Variants in SETD2 observed in about 807,000 individuals in gnomAD.
SETD2 encodes SET domain containing 2, histone lysine methyltransferase, also known as histone-lysine N-methyltransferase SETD2.
In SETD2, 31 loss-of-function variants were observed where a neutral mutation model predicts 242.1. That is an observed-to-expected ratio of 0.13 (90% CI 0.10 to 0.17). SETD2 has a LOEUF of 0.17. SETD2 is among the 10% of genes least tolerant of loss of function. SETD2 has a pLI of 1.00. For missense variants in SETD2, 2,481 were observed against 3,046.3 expected (o/e 0.81, Z 4.37); for synonymous variants, 1,006 against 1,066.5 (o/e 0.94, Z 1.11).
At chr3:47,075,801 C>T (rs951192565) in intron 12 of SETD2, among the ~76,000 whole-genome samples, 1 of 152,092 alleles carries the variant, frequency 6.6e-6, no homozygotes, top group African/African-American at 2.4e-5. Context: ...AAAACACCAC[C>T]ACTTAACTTC....
chr3:47,073,616 T>C (rs1210669928), intron 12 of SETD2, among the ~76,000 whole-genome samples: 2 of 152,214 alleles, frequency 1.3e-5, no homozygotes, highest in African/African-American at 4.8e-5. Flanking sequence ...AGAAACACTC[T>C]AACTTCGAAT....
At chr3:47,144,734 G>A (rs1417196736) in intron 1 of SETD2, among the ~76,000 whole-genome samples, 2 of 152,172 alleles carry the variant, frequency 1.3e-5, no homozygotes, top group Non-Finnish European at 2.9e-5. Flanking sequence ...TTGGGAGGTC[G>A]AGGCGGGTGG....
chr3:47,037,137 A>T (rs7374845), intron 18 of SETD2, among the ~76,000 whole-genome samples: 1 of 74,704 alleles, frequency 1.3e-5, no homozygotes, highest in East Asian at 3.7e-4. Flanking sequence ...TTTTTATTTT[A>T]TTATTATTAT....
intron 2 of SETD2, among the ~76,000 whole-genome samples, chr3:47,125,597 C>T (rs979496746): frequency 2.6e-5 from 4 of 152,204 alleles, no homozygotes; most frequent in African/African-American, 9.6e-5. Flanking sequence ...AGGACCAGGC[C>T]TTCTGCCTTC....
chr3:47,060,102 CA>C (rs1575706211), intron 14 of SETD2, among the ~76,000 whole-genome samples: 1 of 152,102 alleles, frequency 6.6e-6, no homozygotes, highest in African/African-American at 2.4e-5. Context: ...AAAAAACCAA[CA>C]AAAAAACCGG....
intron 9 of SETD2, among the ~76,000 whole-genome samples, chr3:47,093,986 G>C (rs1575761838): frequency 6.6e-6 from 1 of 152,004 alleles, no homozygotes; most frequent in African/African-American, 2.4e-5. Flanking sequence ...CTTTTGTGCT[G>C]GCTGTTCTTT....
intron 9 of SETD2, among the ~76,000 whole-genome samples, chr3:47,093,229 T>C (rs2041874266): frequency 1.3e-5 from 2 of 152,068 alleles, no homozygotes; most frequent in Non-Finnish European, 2.9e-5. Flanking sequence ...GTTATCCATG[T>C]TACTGTATGC....
chr3:47,111,078 T>TCAA (rs2042629449), intron 5 of SETD2, among the ~76,000 whole-genome samples: 1 of 57,122 alleles, frequency 1.8e-5, no homozygotes, highest in South Asian at 6.4e-4. Context: ...TGTGGTTCCT[T>TCAA]TAAAAAAAAA....
intron 12 of SETD2, among the ~76,000 whole-genome samples, chr3:47,081,767 T>C (rs567770610): frequency 1.6e-4 from 25 of 152,254 alleles, no homozygotes; most frequent in African/African-American, 5.3e-4. Context: ...TAACAAAACA[T>C]CACAGTTCAC....
intron 17 of SETD2, among the ~76,000 whole-genome samples, chr3:47,039,034 G>C (rs1384820811): frequency 6.6e-6 from 1 of 152,024 alleles, no homozygotes; most frequent in Non-Finnish European, 1.5e-5. Flanking sequence ...GCTTACCTCT[G>C]ACCTATGGAA....
At chr3:47,161,271 CCAGT>C (rs1697482705) in intron 1 of SETD2, among the ~76,000 whole-genome samples, 1 of 152,076 alleles carries the variant, frequency 6.6e-6, no homozygotes, top group Non-Finnish European at 1.5e-5. Flanking sequence ...CCAAAAAGCC[CCAGT>C]AAGTTGTTAA....
intron 1 of SETD2, among the ~76,000 whole-genome samples, chr3:47,159,959 AG>A (rs1227743798): frequency 1.3e-4 from 19 of 150,512 alleles, no homozygotes; most frequent in Non-Finnish European, 2.4e-4. Flanking sequence ...TGGGGGACAG[AG>A]TGAGACTCCA....
At chr3:47,131,968 G>C (rs2043488092) in intron 1 of SETD2, among the ~76,000 whole-genome samples, 1 of 151,100 alleles carries the variant, frequency 6.6e-6, no homozygotes, top group African/African-American at 2.4e-5. Context: ...AGTAGAGACA[G>C]GGTTTCACCA....
chr3:47,040,050 A>C (rs533661052), intron 17 of SETD2, among the ~76,000 whole-genome samples: 86 of 151,136 alleles, frequency 5.7e-4, no homozygotes, highest in Non-Finnish European at 1.2e-3. Context: ...GATCTCAGCT[A>C]ACTGCAACCT....
At chr3:47,051,991 A>G (rs1161571111) in intron 15 of SETD2, among the ~76,000 whole-genome samples, 4 of 152,176 alleles carry the variant, frequency 2.6e-5, no homozygotes, top group African/African-American at 9.7e-5. Flanking sequence ...GGAGATAACA[A>G]CAGCAGTATC....
At chr3:47,111,241 G>C (rs749223292) in intron 5 of SETD2, among the ~76,000 whole-genome samples, 1 of 152,076 alleles carries the variant, frequency 6.6e-6, no homozygotes, top group Non-Finnish European at 1.5e-5. Flanking sequence ...TGTATCAACA[G>C]TGTTCAAAGG....
At chr3:47,135,959 CCA>C (rs2106775448) in intron 1 of SETD2, among the ~76,000 whole-genome samples, 1 of 152,234 alleles carries the variant, frequency 6.6e-6, no homozygotes, top group East Asian at 1.9e-4. Context: ...CTTTCACAGA[CCA>C]CATTCTTCAG....
In SETD2 at chr3:47,144,930, G is replaced by A. The variant is rs1403086498; in HGVS notation, c.72-18267C>T. Among the ~76,000 whole-genome samples the A allele has an allele frequency of 3.3e-5, 5 of 152,112 alleles. No individual in the cohort carries two copies. The East Asian group carries it at 5.8e-4, about 18-fold the overall frequency. ...CACACCACTGCACTCCAGCCTGGGC[G>A]ACAAGTGAGACTCTGTCTCAAAAAC... On this transcript the variant is annotated intron_variant, in intron 1 of 20. Coordinates refer to ENST00000409792, the MANE Select transcript of SETD2 (RefSeq NM_014159.7).
rs12497141 is a variant in SETD2, at chr3:47,053,773, C to T, written c.6963+3048G>A. 3.8e-3 allele frequency among the ~76,000 whole-genome samples: 584 copies of T among 152,244 alleles called. 1 individual carries two copies. The highest frequency in any genetic ancestry group is 5.1e-3 in the Admixed American group (78 of 15,284). The stretch of plus-strand genomic sequence containing the variant: ...TAGAGGTCAGATTTTTAGGGCTAGA[C>T]AACAGATGGATGAACATGACCAGAT... On this transcript the variant is annotated intron_variant, in intron 15 of 20. Coordinates refer to ENST00000409792, the MANE Select transcript of SETD2 (RefSeq NM_014159.7).
Sources: gnomAD v4.1 joint callset for allele counts (sites outside exome capture counted in the v4.1 genomes callset) on GRCh38, gnomAD v4.1.1 for gene constraint, MANE v1.5 for transcripts, NCBI Gene and HGNC (gene_info 2026-07-23, HGNC 2026-07-21) for gene names.